The following MACROD2 variants were observed in gnomAD, a reference collection of about 807,000 sequenced individuals.
MACROD2 encodes the protein mono-ADP ribosylhydrolase 2.
A neutral mutation model predicts 70.4 loss-of-function variants in MACROD2; 36 were observed. The ratio of observed to expected loss-of-function variants is 0.51; its 90% CI spans 0.39 to 0.68. MACROD2 has a LOEUF of 0.68. Ranked by LOEUF, MACROD2 falls within the 30% of genes least tolerant of loss-of-function variation. MACROD2 has a pLI of 0.00. For missense variants in MACROD2, 496 were observed against 538.4 expected (o/e 0.92, Z 0.78); for synonymous variants, 172 against 178.8 (o/e 0.96, Z 0.30).
intron 7 of MACROD2, among the ~76,000 whole-genome samples, chr20:15,447,141 C>A (rs4814376): frequency 0.39 from 58,325 of 151,342 alleles, 11,341 homozygotes; most frequent in African/African-American, 0.46. Context: ...ACAGGCCTCA[C>A]TCCCAACTAC....
intron 3 of MACROD2, among the ~76,000 whole-genome samples, chr20:14,111,034 G>C (rs533251216): frequency 1.1e-4 from 17 of 152,042 alleles, no homozygotes; most frequent in African/African-American, 3.9e-4. Context: ...CAGACACATA[G>C]ACTAATGGAA....
chr20:14,241,975 G>T, intron 3 of MACROD2, among the ~76,000 whole-genome samples: 1 of 152,048 alleles, frequency 6.6e-6, no homozygotes. Context: ...TTACAACTGT[G>T]TAAAATTACA....
intron 3 of MACROD2, among the ~76,000 whole-genome samples, chr20:14,318,654 T>C (rs1312357005): frequency 6.6e-6 from 1 of 152,224 alleles, no homozygotes; most frequent in Non-Finnish European, 1.5e-5. Context: ...AATCTGTTCT[T>C]AATGTCTATA....
intron 8 of MACROD2, among the ~76,000 whole-genome samples, chr20:15,832,689 A>G (rs181686873): frequency 3.3e-5 from 5 of 152,378 alleles, no homozygotes; most frequent in Admixed American, 3.3e-4. Context: ...CATCCCTGGC[A>G]CACAAAGCCG....
In MACROD2 at chr20:14,169,605, A is replaced by G. The variant is rs545128390; in HGVS notation, c.271+83877A>G. Reference sequence around the variant, plus strand: ...AGGTGTGAGCCACTGCACCTGGCCAATTATACTTCTTTTAAAAAATTTTCT... The same window carrying G: ...AGGTGTGAGCCACTGCACCTGGCCAGTTATACTTCTTTTAAAAAATTTTCT... On this transcript the variant is annotated intron_variant, in intron 3 of 17. Coordinates refer to ENST00000684519, the MANE Select transcript of MACROD2 (RefSeq NM_001351661.2). Among the ~76,000 whole-genome samples, 3 of 152,158 alleles carry G rather than the reference A, an allele frequency of 2.0e-5. No homozygotes were observed. The South Asian group carries it at 6.2e-4, about 32-fold the overall frequency.
intron 6 of MACROD2, among the ~76,000 whole-genome samples, chr20:15,359,522 C>A (rs6043231): frequency 0.15 from 21,979 of 150,808 alleles, 1,667 homozygotes; most frequent in Middle Eastern, 0.23. Context: ...ACAATAATTT[C>A]TTAATTTATT....
chr20:14,025,849 G>A (rs530656805), intron 2 of MACROD2, among the ~76,000 whole-genome samples: 2 of 152,290 alleles, frequency 1.3e-5, no homozygotes, highest in Admixed American at 6.5e-5. Flanking sequence ...TTCTGTAGAT[G>A]TCTATTAGGT....
chr20:14,846,975 C>A (rs1003374834), intron 5 of MACROD2, among the ~76,000 whole-genome samples: 2 of 151,962 alleles, frequency 1.3e-5, no homozygotes, highest in Non-Finnish European at 2.9e-5. Context: ...AAAAGTTATG[C>A]CTTCAGTTTA....
intron 5 of MACROD2, among the ~76,000 whole-genome samples, chr20:15,190,454 G>A (rs546597700): frequency 4.6e-5 from 7 of 152,254 alleles, no homozygotes; most frequent in African/African-American, 1.4e-4. Flanking sequence ...ATTACCTCTC[G>A]AGCATCATTG....
chr20:15,751,102 G>T (rs2051262541), intron 8 of MACROD2, among the ~76,000 whole-genome samples: 1 of 151,830 alleles, frequency 6.6e-6, no homozygotes, highest in Admixed American at 6.6e-5. Context: ...AATAAGATAT[G>T]ATATATTACA....
chr20:15,409,794 C>G (rs2046052527), intron 6 of MACROD2, among the ~76,000 whole-genome samples: 2 of 152,176 alleles, frequency 1.3e-5, no homozygotes, highest in South Asian at 4.1e-4. Flanking sequence ...CTTCCATCAC[C>G]CATACACAGC....
intron 8 of MACROD2, among the ~76,000 whole-genome samples, chr20:15,572,191 C>G (rs1261957881): frequency 6.6e-6 from 1 of 152,010 alleles, no homozygotes; most frequent in Non-Finnish European, 1.5e-5. Context: ...TCAGATTTCT[C>G]AGGTAAGGGG....
At chr20:15,330,272 C>T (rs1363738613) in intron 6 of MACROD2, among the ~76,000 whole-genome samples, 2 of 148,870 alleles carry the variant, frequency 1.3e-5, no homozygotes, top group East Asian at 3.9e-4. Context: ...TTTTCCTCCC[C>T]TACAACGTGT....
chr20:14,057,241 C>T (rs1186478696), intron 2 of MACROD2, among the ~76,000 whole-genome samples: 1 of 152,118 alleles, frequency 6.6e-6, no homozygotes, highest in Non-Finnish European at 1.5e-5. Context: ...AAACAGGACA[C>T]ACAACTCACA....
At chr20:15,367,696 G>A (rs2045431404) in intron 6 of MACROD2, among the ~76,000 whole-genome samples, 1 of 151,548 alleles carries the variant, frequency 6.6e-6, no homozygotes, top group Admixed American at 6.6e-5. Flanking sequence ...AGATTTTTTT[G>A]TTTGCTTTGT....
chr20:15,661,768 G>A (rs980495406), intron 8 of MACROD2, among the ~76,000 whole-genome samples: 3 of 152,102 alleles, frequency 2.0e-5, no homozygotes, highest in Non-Finnish European at 2.9e-5. Flanking sequence ...GAAAAACTCT[G>A]GCTTAAACTC....
At chr20:15,490,542 T>A (rs1203554742) in intron 7 of MACROD2, among the ~76,000 whole-genome samples, 1 of 152,094 alleles carries the variant, frequency 6.6e-6, no homozygotes, top group African/African-American at 2.4e-5. Flanking sequence ...ATTACAGGCA[T>A]GAACCACCGC....
intron 8 of MACROD2, among the ~76,000 whole-genome samples, chr20:15,811,882 A>C (rs925421668): frequency 1.3e-5 from 2 of 152,182 alleles, no homozygotes; most frequent in Non-Finnish European, 2.9e-5. Flanking sequence ...GCAAAAGAGC[A>C]AGAGTCTGGT....
At chr20:14,167,491 C>A (rs1229686572) in intron 3 of MACROD2, among the ~76,000 whole-genome samples, 1 of 151,862 alleles carries the variant, frequency 6.6e-6, no homozygotes, top group Admixed American at 6.6e-5. Context: ...TCAAATGATT[C>A]TCCTGCCTCA....
Sources: gnomAD v4.1 joint callset for allele counts (sites outside exome capture counted in the v4.1 genomes callset) on GRCh38, gnomAD v4.1.1 for gene constraint, MANE v1.5 for transcripts, NCBI Gene and HGNC (gene_info 2026-07-23, HGNC 2026-07-21) for gene names.